Variants in RAPGEF4 observed in about 807,000 individuals in gnomAD.
The protein encoded by RAPGEF4 is RAP guanine-nucleotide-exchange factor (GEF) 4.
RAPGEF4 carries 66 observed loss-of-function variants against 147.9 expected under a neutral mutation model. The ratio of observed to expected loss-of-function variants is 0.45; its 90% CI spans 0.37 to 0.55. The LOEUF is 0.55. Among genes scored for constraint, RAPGEF4 ranks in the 20% least tolerant of loss-of-function variants. RAPGEF4 has a pLI of 0.00. For synonymous variants in RAPGEF4, 419 were observed against 442.7 expected (o/e 0.95, Z 0.67); for missense variants, 1,071 against 1,257.3 (o/e 0.85, Z 2.24).
chr2:172,920,681 C>T (rs2150047669), intron 5 of RAPGEF4, among the ~76,000 whole-genome samples: 1 of 152,296 alleles, frequency 6.6e-6, no homozygotes, highest in South Asian at 2.1e-4. Context: ...TACAGATACC[C>T]TAATTTCCAG....
At chr2:172,812,543 T>G (rs1287835437) in intron 3 of RAPGEF4, among the ~76,000 whole-genome samples, 1 of 152,174 alleles carries the variant, frequency 6.6e-6, no homozygotes, top group Non-Finnish European at 1.5e-5. Context: ...GTGTACTGTT[T>G]GGTGACAAAC....
chr2:173,036,287 A>G (rs756597868), intron 28 of RAPGEF4, 75 bp downstream of exon 28: 63 of 1,158,922 alleles, frequency 5.4e-5, no homozygotes, highest in Non-Finnish European at 7.6e-5. Flanking sequence ...CCTTGATAAG[A>G]TTGATTACTT....
intron 1 of RAPGEF4, among the ~76,000 whole-genome samples, chr2:172,770,905 T>C (rs1683498921): frequency 1.3e-5 from 2 of 152,068 alleles, no homozygotes; most frequent in South Asian, 4.2e-4. Flanking sequence ...TAGTGTGCCA[T>C]GCAAATGTAA....
chr2:172,791,129 C>T (rs1020798180), intron 1 of RAPGEF4, among the ~76,000 whole-genome samples: 2 of 152,176 alleles, frequency 1.3e-5, no homozygotes, highest in Admixed American at 1.3e-4. Flanking sequence ...CCCTCATGAC[C>T]TAAGCACTTT....
chr2:172,828,268 C>T lies in RAPGEF4; in HGVS notation c.444+13843C>T, dbSNP rs887973256. 2.6e-5 allele frequency among the ~76,000 whole-genome samples: 4 copies of T among 152,260 alleles called. No individual in the cohort carries two copies. In the South Asian group the frequency reaches 6.2e-4, roughly 24 times the overall value. ...CAGACCAAGTCCCTCACTCCATGGG[C>T]GTCGCATTCGTAAGGCCGACAGAAA... On this transcript the variant is annotated intron_variant, in intron 4 of 30. Transcript: ENST00000397081.
At chr2:172,846,843 T>G (rs1195566795) in intron 4 of RAPGEF4, among the ~76,000 whole-genome samples, 1 of 152,204 alleles carries the variant, frequency 6.6e-6, no homozygotes, top group Non-Finnish European at 1.5e-5. Context: ...TCTGCTCCCC[T>G]GACTATGCCC....
At chr2:172,806,250 C>T (rs996291970) in intron 3 of RAPGEF4, among the ~76,000 whole-genome samples, 1 of 152,092 alleles carries the variant, frequency 6.6e-6, no homozygotes, top group Non-Finnish European at 1.5e-5. Flanking sequence ...CAAATGGCTG[C>T]TGACAGAATA....
At chr2:173,017,375 G>C (rs1275741719) in intron 20 of RAPGEF4, 51 bp from the exon 21 acceptor site, 1 of 1,542,904 alleles carries the variant, frequency 6.5e-7, no homozygotes, top group Non-Finnish European at 9.0e-7. Flanking sequence ...TGAGATGCTA[G>C]CATGCATTGG....
intron 6 of RAPGEF4, among the ~76,000 whole-genome samples, chr2:172,925,073 C>T (rs578063301): frequency 2.3e-4 from 35 of 152,332 alleles, no homozygotes; most frequent in African/African-American, 7.5e-4. Context: ...CTCCGCCTCC[C>T]GGCTCACGCC....
At chr2:172,863,446 G>A (rs2149785259) in intron 4 of RAPGEF4, among the ~76,000 whole-genome samples, 1 of 152,230 alleles carries the variant, frequency 6.6e-6, no homozygotes, top group South Asian at 2.1e-4. Context: ...AGGCTCTTCT[G>A]CAATCTTGGA....
At chr2:172,897,233 G>C (rs111605162) in intron 4 of RAPGEF4, among the ~76,000 whole-genome samples, 3 of 152,138 alleles carry the variant, frequency 2.0e-5, no homozygotes, top group African/African-American at 7.2e-5. Context: ...AGCTTTTTCA[G>C]TATGTGTGCA....
intron 29 of RAPGEF4, among the ~76,000 whole-genome samples, chr2:173,037,719 C>T (rs147466327): frequency 8.5e-4 from 130 of 152,072 alleles, no homozygotes; most frequent in Middle Eastern, 3.4e-3. Flanking sequence ...TGAGAAAAGC[C>T]GGGGACCTGG....
intron 1 of RAPGEF4, among the ~76,000 whole-genome samples, chr2:172,771,407 A>G (rs1427240623): frequency 6.7e-6 from 1 of 149,730 alleles, no homozygotes; most frequent in Non-Finnish European, 1.5e-5. Context: ...GGACCAAAGC[A>G]GTACTGTTTT....
Position 173,036,686 on chromosome 2 carries a change from A to G in RAPGEF4, c.2847A>G (p.Glu949=). 2 of 1,607,792 alleles carry G rather than the reference A, an allele frequency of 1.2e-6. No homozygotes were observed. Among genetic ancestry groups the G allele is most frequent in the Non-Finnish European group, 1.7e-6 (2 of 1,174,910 alleles). The part of the protein sequence containing the change: ...KTFIDNLVNF[E]KMRMIANTAR... ...TCATTGACAATCTAGTAAACTTTGAAAAAATGGTATGTGCAGTATTATAAC... is the reference window on the plus strand; with the variant it reads ...TCATTGACAATCTAGTAAACTTTGAGAAAATGGTATGTGCAGTATTATAAC... Residue 949 remains glutamate, a synonymous_variant, in exon 29 of 31, where the codon GAA becomes GAG. Transcript: ENST00000397081.
At chr2:172,899,181 G>A (rs114075868) in intron 4 of RAPGEF4, among the ~76,000 whole-genome samples, 340 of 152,270 alleles carry the variant, frequency 2.2e-3, no homozygotes, top group African/African-American at 7.6e-3. Flanking sequence ...ATACTGTTTA[G>A]ATTTTGTGTT....
chr2:172,744,163 A>G (rs1694559096), intron 1 of RAPGEF4: 1 of 245,600 alleles, frequency 4.1e-6, no homozygotes, highest in East Asian at 1.1e-4. Context: ...TCCACATCTA[A>G]CCAGTCACTA....
At chr2:173,044,183 T>G (rs932311031) in intron 29 of RAPGEF4, among the ~76,000 whole-genome samples, 2 of 149,154 alleles carry the variant, frequency 1.3e-5, no homozygotes, top group African/African-American at 5.0e-5. Context: ...TCACAAACTT[T>G]CTGGAAAAGG....
intron 11 of RAPGEF4, among the ~76,000 whole-genome samples, chr2:172,985,045 A>G (rs2105685128): frequency 6.6e-6 from 1 of 152,328 alleles, no homozygotes; most frequent in African/African-American, 2.4e-5. Flanking sequence ...GTTTGCCATG[A>G]TGCATTATAT....
At position 172,771,193 on chromosome 2, in the gene RAPGEF4, C is replaced by T. The variant is rs146849194; in HGVS notation, c.66-23832C>T. Among the ~76,000 whole-genome samples the T allele has an allele frequency of 4.2e-4, 64 of 152,022 alleles. No individual in the cohort carries two copies. In the East Asian group the frequency reaches 0.012, roughly 29 times the overall value. ...GCTGGGAAGTCCAAGCTCAAGGTGC[C>T]AGCAGATTTGGTCAGGGCCTGGTCT... On this transcript the variant is annotated intron_variant, in intron 1 of 30. Transcript: ENST00000397081.
Sources: allele counts gnomAD v4.1 joint callset (sites outside exome capture counted in the v4.1 genomes callset), GRCh38; gene constraint gnomAD v4.1.1; transcripts MANE v1.5; gene names NCBI Gene and HGNC (gene_info 2026-07-23, HGNC 2026-07-21).